BIRC6: variants seen among roughly 807,000 people sequenced by gnomAD.
BIRC6 encodes the protein baculoviral IAP repeat containing 6, also known as dual E2 ubiquitin-conjugating enzyme/E3 ubiquitin-protein ligase BIRC6.
In BIRC6, 98 loss-of-function variants were observed where a neutral mutation model predicts 503.3. The observed-to-expected ratio is 0.19, with a 90% CI of 0.17 to 0.23. BIRC6 has a LOEUF of 0.23. BIRC6 is among the 10% of genes least tolerant of loss of function. BIRC6 has a pLI of 1.00. For synonymous variants in BIRC6, 2,240 were observed against 2,078.7 expected, an observed-to-expected ratio of 1.08 and a Z score of -2.11; for missense variants, 5,360 against 5,806.0, an observed-to-expected ratio of 0.92 and a Z score of 2.50.
chr2:32,370,004 GTA>G lies in BIRC6; in HGVS notation c.326-7576_326-7575del, dbSNP rs1274630053. On this transcript the variant is annotated intron_variant, in intron 1 of 73. Coordinates refer to ENST00000421745, the MANE Select transcript of BIRC6 (RefSeq NM_016252.4). Reference sequence around the variant, plus strand: ...TATATATGTATGTATGTATGTGTGTGTATATATATGCATATATGTATGTATAT... The same window carrying G: ...TATATATGTATGTATGTATGTGTGTGTATATATGCATATATGTATGTATAT... 9.2e-5 allele frequency among the ~76,000 whole-genome samples: 11 copies of G among 120,200 alleles called. No individual in the cohort carries two copies. The East Asian group carries it at 1.1e-3, about 12-fold the overall frequency. 78.9% of individuals were successfully genotyped at this position (120,200 alleles called of 152,430 possible).
chr2:32,605,713 C>T (rs985278956), intron 71 of BIRC6, among the ~76,000 whole-genome samples: 2 of 151,972 alleles, frequency 1.3e-5, no homozygotes, highest in East Asian at 3.9e-4. Context: ...CAAAAATTAG[C>T]GGGATGGGGT....
chr2:32,482,045 T>G (rs1049001796), intron 38 of BIRC6, among the ~76,000 whole-genome samples: 6 of 152,190 alleles, frequency 3.9e-5, no homozygotes, highest in Non-Finnish European at 5.9e-5. Context: ...TAGTTATAGA[T>G]CACCAACATT....
At chr2:32,442,555 T>C in intron 19 of BIRC6, 100 bp downstream of exon 19, 5 of 1,277,896 alleles carry the variant, frequency 3.9e-6, no homozygotes, top group Non-Finnish European at 4.1e-6. Context: ...GTTTAATGTA[T>C]GTATAATTTA....
chr2:32,536,382 A>C (rs1403082445), intron 61 of BIRC6, among the ~76,000 whole-genome samples: 2 of 152,152 alleles, frequency 1.3e-5, no homozygotes, highest in Non-Finnish European at 2.9e-5. Flanking sequence ...GTCCTTGCCC[A>C]TGCCTATGTC....
chr2:32,592,524 C>A (rs1031682938), intron 66 of BIRC6, among the ~76,000 whole-genome samples: 2 of 151,822 alleles, frequency 1.3e-5, no homozygotes, highest in African/African-American at 4.8e-5. Flanking sequence ...AGCTTCTGAG[C>A]AGATTTTTGT....
Position 32,468,123 on chromosome 2 carries a change from G to A in BIRC6, c.5780+12G>A. The A allele has an allele frequency of 6.2e-7, 1 of 1,610,244 alleles. No homozygotes were observed. Among genetic ancestry groups the A allele is most frequent in the Non-Finnish European group, 8.5e-7 (1 of 1,177,484 alleles). On this transcript the variant is annotated intron_variant, in intron 28 of 73. Coordinates refer to ENST00000421745, the MANE Select transcript of BIRC6 (RefSeq NM_016252.4). ...GATATACAGTGCAGGTTAGTACAGA[G>A]TGCAAATTTTAATGTTATTGAAACT...
Position 32,488,639 on chromosome 2 carries a change from A to T in BIRC6, c.8020A>T (p.Thr2674Ser), listed in dbSNP as rs2366894. 945,210 of 1,518,202 alleles carry T rather than the reference A, an allele frequency of 0.62. 297,780 individuals carry two copies. The highest frequency in any genetic ancestry group is 0.7 in the African/African-American group (49,905 of 71,762). The allele number at this position is 1,518,202 out of a possible 1,614,324, so 94.0% of individuals were successfully genotyped here. Residue 2674 changes from threonine (T) to serine (S), a missense_variant, in exon 42 of 74, where the codon ACT (threonine) becomes TCT (serine). This residue lies in a region of BIRC6 where 2,299 missense variants were observed against 2,267.2 expected (regional missense o/e 1.01). Transcript: ENST00000421745. ...WLTLSLNSSSTGNKENGADIF... is the reference protein window; with the variant it reads ...WLTLSLNSSSSGNKENGADIF... ...CACACTGAGCCTGAATTCTAGTTCA[A>T]CTGGAAACAAAGAAAATGGAGCAGA...
rs75750939 is a variant in BIRC6 at position 32,533,676 on chromosome 2, T to A, written c.12291+2125T>A. On this transcript the variant is annotated intron_variant, in intron 61 of 73. Coordinates refer to ENST00000421745, the MANE Select transcript of BIRC6 (RefSeq NM_016252.4). ...TGTAACTCATGGATCTCCTCAGCCGTCTAAGCATAAGCGAGGAATAGAGGA... is the reference window on the plus strand; with the variant it reads ...TGTAACTCATGGATCTCCTCAGCCGACTAAGCATAAGCGAGGAATAGAGGA... 1.2e-4 allele frequency among the ~76,000 whole-genome samples: 18 copies of A among 152,138 alleles called. No homozygotes were observed. The East Asian group carries it at 3.3e-3, about 28-fold the overall frequency.
intron 21 of BIRC6, among the ~76,000 whole-genome samples, chr2:32,446,751 T>TG (rs1326146021): frequency 2.3e-5 from 3 of 132,758 alleles, no homozygotes; most frequent in East Asian, 4.4e-4. Flanking sequence ...TTTTTTTTTT[T>TG]TTTTTTTTTT....
At chr2:32,439,766 A>T in intron 16 of BIRC6, 80 bp downstream of exon 16, 1 of 1,288,330 alleles carries the variant, frequency 7.8e-7, no homozygotes. Context: ...TAGAAGTAGT[A>T]TGACCTTTCA....
chr2:32,459,612 T>G (rs2047615226), intron 23 of BIRC6, among the ~76,000 whole-genome samples: 1 of 152,160 alleles, frequency 6.6e-6, no homozygotes, highest in South Asian at 2.1e-4. Flanking sequence ...TGTAAATCAG[T>G]TTAGGAGAAT....
At chr2:32,527,087 A>C (rs1332401995) in intron 59 of BIRC6, 1 of 152,258 alleles carries the variant, frequency 6.6e-6, no homozygotes, top group Non-Finnish European at 1.5e-5. Context: ...GGGATGTGCT[A>C]ATGCAACTGG....
intron 33 of BIRC6, among the ~76,000 whole-genome samples, chr2:32,475,828 G>A (rs1209522157): frequency 6.6e-6 from 1 of 151,892 alleles, no homozygotes; most frequent in Non-Finnish European, 1.5e-5. Context: ...ACCAAAATGT[G>A]TACTACTCTT....
chr2:32,529,913 T>G, intron 60 of BIRC6, 89 bp downstream of exon 60: 1 of 847,138 alleles, frequency 1.2e-6, no homozygotes, highest in African/African-American at 1.8e-5. Context: ...GACTTGTGTT[T>G]TTATTATATC....
At position 32,553,509 on chromosome 2, in the gene BIRC6, A is replaced by G. The variant is rs539375578; in HGVS notation, c.13144+4028A>G. 3.4e-3 allele frequency among the ~76,000 whole-genome samples: 512 copies of G among 151,896 alleles called. 3 individuals are homozygous for G. The highest frequency in any genetic ancestry group is 5.4e-3 in the Non-Finnish European group (369 of 67,940). On this transcript the variant is annotated intron_variant, in intron 65 of 73. Transcript: ENST00000421745. ...TTCAAGCAGTTCTCATGCCTCAGCCACCCGAGTAGCTGGGACTGCAGGCAC... is the reference window on the plus strand; with the variant it reads ...TTCAAGCAGTTCTCATGCCTCAGCCGCCCGAGTAGCTGGGACTGCAGGCAC...
At chr2:32,376,600 G>A (rs996010703) in intron 1 of BIRC6, among the ~76,000 whole-genome samples, 2 of 151,962 alleles carry the variant, frequency 1.3e-5, no homozygotes, top group Non-Finnish European at 2.9e-5. Context: ...TCTAGGCTAC[G>A]TGTTTTGTCT....
chr2:32,479,682 T>C, intron 37 of BIRC6, 65 bp downstream of exon 37: 1 of 1,342,222 alleles, frequency 7.5e-7, no homozygotes, highest in Non-Finnish European at 1.0e-6. Context: ...AAATAAAGAA[T>C]GTTAGAGAAA....
At chr2:32,567,500 A>G (rs1434014134) in intron 65 of BIRC6, among the ~76,000 whole-genome samples, 1 of 152,192 alleles carries the variant, frequency 6.6e-6, no homozygotes, top group Non-Finnish European at 1.5e-5. Context: ...CAACTGAAGA[A>G]CTGAATTCTT....
intron 53 of BIRC6, among the ~76,000 whole-genome samples, chr2:32,511,138 A>G (rs771038412): frequency 3.3e-5 from 5 of 150,704 alleles, no homozygotes; most frequent in Non-Finnish European, 5.9e-5. Flanking sequence ...AAACAATATC[A>G]TAACATGTAA....
Sources: gnomAD v4.1 joint callset for allele counts (sites outside exome capture counted in the v4.1 genomes callset) on GRCh38, gnomAD v4.1.1 for gene constraint, gnomAD v4.1.1 regional missense constraint, MANE v1.5 for transcripts, NCBI Gene and HGNC (gene_info 2026-07-23, HGNC 2026-07-21) for gene names.